The following ATP6V0D1 variants were observed in gnomAD, a reference collection of about 807,000 sequenced individuals.
The protein encoded by ATP6V0D1 is ATPase H+ transporting V0 subunit d1.
ATP6V0D1 carries 13 observed loss-of-function variants against 39.0 expected under a neutral mutation model. The ratio of observed to expected loss-of-function variants is 0.33; its 90% CI spans 0.22 to 0.53. The LOEUF is 0.53. Among genes scored for constraint, ATP6V0D1 ranks in the 20% least tolerant of loss-of-function variants. The probability of loss-of-function intolerance (pLI) is 0.94; values close to 1 mark genes in which losing one functional copy is unlikely to be tolerated. For missense variants in ATP6V0D1, 272 were observed against 470.9 expected, an observed-to-expected ratio of 0.58 and a Z score of 3.91; for synonymous variants, 191 against 191.2, an observed-to-expected ratio of 1.00 and a Z score of 0.01.
intron 1 of ATP6V0D1, among the ~76,000 whole-genome samples, chr16:67,467,156 G>A (rs1234221018): frequency 2.6e-5 from 4 of 152,128 alleles, no homozygotes; most frequent in African/African-American, 9.7e-5. Context: ...TTGGGGGGTG[G>A]GAGACTTGGC....
chr16:67,453,603 C>T lies in ATP6V0D1; in HGVS notation c.243G>A (p.Glu81=), dbSNP rs1269742690. ...DDRLKEKMVV[E]FRHMRNHAYE... ...AGGCATGGTTCCTCATGTGGCGGAA[C>T]TCCACCACCATCTTCTCCTTGAGCC... Residue 81 remains glutamate (E), a synonymous_variant, in exon 2 of 8, where the codon GAG becomes GAA. Coordinates refer to ENST00000290949, the MANE Select transcript of ATP6V0D1 (RefSeq NM_004691.5). The surrounding 1 kb of genome is among the most constrained non-coding windows in gnomAD (Gnocchi z 4.1). 4 of 1,614,220 alleles carry T rather than the reference C, an allele frequency of 2.5e-6. No homozygotes were observed. The highest frequency in any genetic ancestry group is 1.1e-5 in the South Asian group (1 of 91,086).
chr16:67,440,097 G>A (rs2041032389), intron 4 of ATP6V0D1: 1 of 152,224 alleles, frequency 6.6e-6, no homozygotes. Context: ...GGCAGGGACT[G>A]AGTGCCCCCG....
chr16:67,465,760 T>G (rs1324401058), intron 1 of ATP6V0D1, among the ~76,000 whole-genome samples: 1 of 152,078 alleles, frequency 6.6e-6, no homozygotes, highest in African/African-American at 2.4e-5. Context: ...GAGGTGAGGA[T>G]GGGTAGAGGT....
chr16:67,474,702 T>C (rs1242536341), intron 1 of ATP6V0D1, among the ~76,000 whole-genome samples: 1 of 152,168 alleles, frequency 6.6e-6, no homozygotes, highest in African/African-American at 2.4e-5. Flanking sequence ...TGGTTATCTC[T>C]TGGGGACCGT....
At chr16:67,452,352 G>A in intron 2 of ATP6V0D1, 1 of 1,535,716 alleles carries the variant, frequency 6.5e-7, no homozygotes, top group Non-Finnish European at 8.7e-7. Flanking sequence ...CCCAGCCTCT[G>A]ACTCCTGCCT....
intron 1 of ATP6V0D1, among the ~76,000 whole-genome samples, chr16:67,469,134 C>A (rs2041352744): frequency 6.6e-6 from 1 of 152,062 alleles, no homozygotes; most frequent in Non-Finnish European, 1.5e-5. Context: ...ATGGTGAAAC[C>A]GCATCTCTAC....
chr16:67,462,622 T>C (rs2041297428), intron 1 of ATP6V0D1, among the ~76,000 whole-genome samples: 1 of 152,136 alleles, frequency 6.6e-6, no homozygotes, highest in South Asian at 2.1e-4. Context: ...CCCAGGGAGT[T>C]TGAGACCAGC....
rs1056950487 is a variant in ATP6V0D1, at chr16:67,447,401, G to A, written c.303-2695C>T. Among the ~76,000 whole-genome samples, 2 of 152,196 alleles carry A rather than the reference G, an allele frequency of 1.3e-5. No individual in the cohort carries two copies. The highest frequency in any genetic ancestry group is 2.4e-5 in the African/African-American group (1 of 41,454). On this transcript the variant is annotated intron_variant, in intron 2 of 7. Coordinates refer to ENST00000290949, the MANE Select transcript of ATP6V0D1 (RefSeq NM_004691.5). This position sits in a 1 kb window ranked among gnomAD's most constrained non-coding sequence, Gnocchi z 4.1. ...AGCAGTCTGCCTTTCTCCCAAGGCC[G>A]AGGCCTTCGGCAGGCAGGGAAATCC...
chr16:67,476,683 T>C (rs1597585640), intron 1 of ATP6V0D1, among the ~76,000 whole-genome samples: 2 of 152,228 alleles, frequency 1.3e-5, no homozygotes, highest in Admixed American at 1.3e-4. Flanking sequence ...AGTCAATAAA[T>C]GTCAATTATT....
Position 67,477,447 on chromosome 16 carries a change from CT to C in ATP6V0D1, c.130+3509del, listed in dbSNP as rs539694432. Among the ~76,000 whole-genome samples the C allele has an allele frequency of 7.9e-5, 12 of 152,168 alleles. No homozygotes were observed. In the South Asian group the frequency reaches 2.3e-3, roughly 29 times the overall value. ...TGTCATTTTTTTAAAATACTCATGA[CT>C]TTTTTCAGAGATGCTGAAATATTTA... On this transcript the variant is annotated intron_variant, in intron 1 of 7. Transcript: ENST00000290949.
Position 67,444,174 on chromosome 16 carries a change from C to A in ATP6V0D1, c.481+354G>T, listed in dbSNP as rs915659735. On this transcript the variant is annotated intron_variant, in intron 3 of 7. Transcript: ENST00000290949. This position sits in a 1 kb window ranked among gnomAD's most constrained non-coding sequence, Gnocchi z 4.8. ...GCTTTACTCAGGCTCCAGCTCCGGG[C>A]CACAGTCTGTCAGAGCTCTCGGGAC... Among the ~76,000 whole-genome samples the A allele has an allele frequency of 1.3e-5, 2 of 152,344 alleles. No individual in the cohort carries two copies. Among genetic ancestry groups the A allele is most frequent in the African/African-American group, 4.8e-5 (2 of 41,574 alleles).
chr16:67,479,306 C>A (rs559870583), intron 1 of ATP6V0D1, among the ~76,000 whole-genome samples: 1 of 151,676 alleles, frequency 6.6e-6, no homozygotes, highest in African/African-American at 2.4e-5. Context: ...CTTTGCCTCC[C>A]AGGTTCAAGC....
At position 67,473,225 on chromosome 16, in the gene ATP6V0D1, G is replaced by C. The variant is rs376789198; in HGVS notation, c.130+7732C>G. The stretch of plus-strand genomic sequence containing the variant: ...TGGCCTGGCTAATTTGGGGCTGGGG[G>C]GGGTGGCGCAGCAACAGCTTTACTG... On this transcript the variant is annotated intron_variant, in intron 1 of 7. Transcript: ENST00000290949. 4.1e-4 allele frequency among the ~76,000 whole-genome samples: 62 copies of C among 152,280 alleles called. No individual in the cohort carries two copies. In the East Asian group the frequency reaches 7.0e-3, roughly 17 times the overall value.
At position 67,447,782 on chromosome 16, in the gene ATP6V0D1, G is replaced by T. The variant is rs575965103; in HGVS notation, c.303-3076C>A. Among the ~76,000 whole-genome samples the T allele has an allele frequency of 2.6e-5, 4 of 152,300 alleles. No homozygotes were observed. The highest frequency in any genetic ancestry group is 5.9e-5 in the Non-Finnish European group (4 of 68,030). On this transcript the variant is annotated intron_variant, in intron 2 of 7. Transcript: ENST00000290949. This position sits in a 1 kb window ranked among gnomAD's most constrained non-coding sequence, Gnocchi z 4.1. Reference sequence around the variant, plus strand: ...CTCTGCCCCTCTGCTGCGCCCTTTGGTGCCACCTGCTGGAACAATATGGCT... The same window carrying T: ...CTCTGCCCCTCTGCTGCGCCCTTTGTTGCCACCTGCTGGAACAATATGGCT...
intron 1 of ATP6V0D1, among the ~76,000 whole-genome samples, chr16:67,465,711 T>C (rs1285129611): frequency 6.6e-6 from 1 of 152,188 alleles, no homozygotes; most frequent in African/African-American, 2.4e-5. Flanking sequence ...AAATGTCCCC[T>C]GGCCTTCTCC....
At chr16:67,470,236 T>C (rs775261188) in intron 1 of ATP6V0D1, among the ~76,000 whole-genome samples, 5 of 152,200 alleles carry the variant, frequency 3.3e-5, no homozygotes, top group African/African-American at 4.8e-5. Context: ...GCACGGTATA[T>C]ACATGCAGTG....
At chr16:67,473,136 G>A (rs1233485457) in intron 1 of ATP6V0D1, among the ~76,000 whole-genome samples, 2 of 152,004 alleles carry the variant, frequency 1.3e-5, no homozygotes, top group African/African-American at 4.8e-5. Flanking sequence ...TGTCATGCAC[G>A]AGGCAGTTTC....
In ATP6V0D1 at chr16:67,444,934, C is replaced by T. The variant is rs559951930; in HGVS notation, c.303-228G>A. On this transcript the variant is annotated intron_variant, in intron 2 of 7. Transcript: ENST00000290949. This position sits in a 1 kb window ranked among gnomAD's most constrained non-coding sequence, Gnocchi z 4.8. ...CTAGGACAGACACAGGCCCCCCAAA[C>T]GGGCGGGGGCAGGGGATTCATGCCC... is the stretch of plus-strand genomic sequence containing the variant. 2.1e-3 allele frequency among the ~76,000 whole-genome samples: 317 copies of T among 152,290 alleles called. 1 individual carries two copies. The highest frequency in any genetic ancestry group is 3.2e-3 in the Non-Finnish European group (221 of 68,018).
In ATP6V0D1 at chr16:67,453,101, T is replaced by G. The variant is rs562348436; in HGVS notation, c.302+443A>C. ...CTAAGACCTTGGCCTTTCAGAGCTC[T>G]GTCCATCCCGACACCTGACCCCTCG... On this transcript the variant is annotated intron_variant, in intron 2 of 7. Transcript: ENST00000290949. This position sits in a 1 kb window ranked among gnomAD's most constrained non-coding sequence, Gnocchi z 4.1. Among the ~76,000 whole-genome samples, 1 of 152,302 alleles carries G rather than the reference T, an allele frequency of 6.6e-6. No homozygotes were observed. The highest frequency in any genetic ancestry group is 2.1e-4 in the South Asian group (1 of 4,822).
Sources: allele counts gnomAD v4.1 joint callset (sites outside exome capture counted in the v4.1 genomes callset), GRCh38; gene constraint gnomAD v4.1.1; non-coding constraint Gnocchi (gnomAD v3.1); transcripts MANE v1.5; gene names NCBI Gene and HGNC (gene_info 2026-07-23, HGNC 2026-07-21).